PCDHGA2: variants seen among roughly 807,000 people sequenced by gnomAD.
PCDHGA2 encodes protocadherin gamma-A2.
A neutral mutation model predicts 59.2 loss-of-function variants in PCDHGA2; 40 were observed. The observed-to-expected ratio is 0.68, with a 90% CI of 0.52 to 0.88. The LOEUF is 0.88. Ranked by LOEUF, PCDHGA2 falls within the 40% of genes least tolerant of loss-of-function variation. The pLI, the probability that PCDHGA2 is intolerant of heterozygous loss-of-function variation, is 0.00. For synonymous variants in PCDHGA2, 560 were observed against 526.0 expected, an observed-to-expected ratio of 1.06 and a Z score of -0.89; for missense variants, 1,226 against 1,204.0, an observed-to-expected ratio of 1.02 and a Z score of -0.27.
intron 1 of PCDHGA2, among the ~76,000 whole-genome samples, chr5:141,402,058 TA>T: frequency 6.6e-6 from 1 of 152,304 alleles, no homozygotes; most frequent in South Asian, 2.1e-4. Flanking sequence ...ATATTCACAT[TA>T]AAAAACTAAG....
intron 1 of PCDHGA2, chr5:141,355,718 A>G (rs1398891270): frequency 2.5e-6 from 4 of 1,613,872 alleles, no homozygotes; most frequent in Non-Finnish European, 3.4e-6. Context: ...TACCAGCTCA[A>G]CTCAAACGGT....
intron 1 of PCDHGA2, chr5:141,478,265 G>C: frequency 1.2e-6 from 2 of 1,614,196 alleles, no homozygotes; most frequent in Non-Finnish European, 1.7e-6. Flanking sequence ...CATATTCAAA[G>C]TTTACAAGTG....
chr5:141,421,077 A>G (rs975269359), intron 1 of PCDHGA2: 1 of 619,100 alleles, frequency 1.6e-6, no homozygotes, highest in Non-Finnish European at 2.7e-6. Context: ...TGAGATGGAT[A>G]CTCACAGATC....
At chr5:141,371,459 T>C in intron 1 of PCDHGA2, 1 of 1,613,970 alleles carries the variant, frequency 6.2e-7, no homozygotes, top group Non-Finnish European at 8.5e-7. Context: ...AATCCCAACA[T>C]ATACAAGAAG....
chr5:141,392,735 C>G, intron 1 of PCDHGA2: 1 of 1,428,540 alleles, frequency 7.0e-7, no homozygotes, highest in South Asian at 1.5e-5. Context: ...ATTGTCATCT[C>G]CATAGCTGCG....
chr5:141,421,530 C>A, intron 1 of PCDHGA2: 1 of 1,614,040 alleles, frequency 6.2e-7, no homozygotes, highest in Non-Finnish European at 8.5e-7. Context: ...AGACGGTGTC[C>A]TCCTGTTTTT....
chr5:141,388,742 G>A (rs1340234849), intron 1 of PCDHGA2: 12 of 1,614,004 alleles, frequency 7.4e-6, no homozygotes, highest in Non-Finnish European at 1.0e-5. Flanking sequence ...AAGCTAGCCA[G>A]ATCACCCAAT....
At chr5:141,365,347 C>A (rs762446364) in intron 1 of PCDHGA2, 3 of 1,613,946 alleles carry the variant, frequency 1.9e-6, no homozygotes, top group Admixed American at 3.3e-5. Context: ...CAGTACAGGA[C>A]GTGAATGACA....
At chr5:141,455,411 G>T (rs1292246147) in intron 1 of PCDHGA2, among the ~76,000 whole-genome samples, 1 of 152,096 alleles carries the variant, frequency 6.6e-6, no homozygotes, top group Non-Finnish European at 1.5e-5. Context: ...AGAGACAGAG[G>T]GAGCGGGGCT....
At chr5:141,389,985 T>C (rs754723585) in intron 1 of PCDHGA2, 5 of 1,614,006 alleles carry the variant, frequency 3.1e-6, no homozygotes, top group Non-Finnish European at 4.2e-6. Flanking sequence ...CTCAGTGCTC[T>C]TCCTCGTGGC....
chr5:141,366,222 C>T (rs760253419), intron 1 of PCDHGA2: 4 of 1,613,804 alleles, frequency 2.5e-6, no homozygotes, highest in Non-Finnish European at 3.4e-6. Context: ...ACAGCGCGAG[C>T]CCTGCTGGAC....
chr5:141,426,513 CG>C, intron 1 of PCDHGA2: 1 of 341,148 alleles, frequency 2.9e-6, no homozygotes, highest in Non-Finnish European at 5.8e-6. Flanking sequence ...AATACTTTAC[CG>C]TGAACACGGA....
chr5:141,392,896 G>A, intron 1 of PCDHGA2: 1 of 1,613,812 alleles, frequency 6.2e-7, no homozygotes, highest in Non-Finnish European at 8.5e-7. Flanking sequence ...GAAATCGGGA[G>A]GGGACAGATT....
chr5:141,339,571 G>A lies in PCDHGA2; in HGVS notation c.600G>A (p.Leu200=). 1 of 1,614,180 alleles carries A rather than the reference G, an allele frequency of 6.2e-7. No homozygotes were observed. The highest frequency in any genetic ancestry group is 8.5e-7 in the Non-Finnish European group (1 of 1,180,032). Residue 200 remains leucine, a synonymous_variant, in exon 1 of 4, where the codon CTG becomes CTA. Transcript: ENST00000394576. ...CAGAACTGGTGCTGGAGCGCTCTCT[G>A]GACCGCGAGGAAGAGGCTGTTCACC... ...KYPELVLERS[L]DREEEAVHHL...
intron 1 of PCDHGA2, chr5:141,366,618 C>A: frequency 6.2e-7 from 1 of 1,614,232 alleles, no homozygotes; most frequent in Non-Finnish European, 8.5e-7. Context: ...ACCGCGGACT[C>A]GAGGAAGAGT....
intron 1 of PCDHGA2, chr5:141,378,129 A>G (rs974715464): frequency 1.3e-5 from 2 of 152,224 alleles, no homozygotes; most frequent in African/African-American, 4.8e-5. Context: ...GTATTTGTTG[A>G]CATCACCATT....
At chr5:141,455,755 T>C (rs1283272521) in intron 1 of PCDHGA2, among the ~76,000 whole-genome samples, 1 of 152,150 alleles carries the variant, frequency 6.6e-6, no homozygotes, top group Non-Finnish European at 1.5e-5. Flanking sequence ...CTGGCCTGGC[T>C]CCTAGAGCCG....
At position 141,368,171 on chromosome 5, in the gene PCDHGA2, A is replaced by T. The variant is rs143914194; in HGVS notation, c.2424+26776A>T. ...TTTAAAACCTTGAGCATCAGCTTCAAATAATGACTAAATAAGGGGAAAAGG... is the reference window on the plus strand; with the variant it reads ...TTTAAAACCTTGAGCATCAGCTTCATATAATGACTAAATAAGGGGAAAAGG... On this transcript the variant is annotated intron_variant, in intron 1 of 3. Coordinates refer to ENST00000394576, the MANE Select transcript of PCDHGA2 (RefSeq NM_018915.4). Among the ~76,000 whole-genome samples the T allele has an allele frequency of 3.1e-4, 47 of 152,352 alleles. No homozygotes were observed. In the East Asian group the frequency reaches 8.3e-3, roughly 27 times the overall value.
intron 1 of PCDHGA2, chr5:141,344,168 G>C (rs1757378141): frequency 6.2e-7 from 1 of 1,613,902 alleles, no homozygotes; most frequent in African/African-American, 1.3e-5. Context: ...GTTCCTTCGT[G>C]GGCAACATCG....
Sources: gnomAD v4.1 joint callset for allele counts (sites outside exome capture counted in the v4.1 genomes callset) on GRCh38, gnomAD v4.1.1 for gene constraint, MANE v1.5 for transcripts, NCBI Gene and HGNC (gene_info 2026-07-23, HGNC 2026-07-21) for gene names.